RFPL4A: variants seen among roughly 807,000 people sequenced by gnomAD.
RFPL4A encodes the protein ret finger protein-like 4A.
A neutral mutation model predicts 8.3 loss-of-function variants in RFPL4A; 4 were observed. The observed-to-expected ratio is 0.48, with a 90% CI of 0.24 to 1.10. RFPL4A has a LOEUF of 1.10. Among genes scored for constraint, RFPL4A ranks in the 50% least tolerant of loss-of-function variants. The pLI is 0.18. For synonymous variants in RFPL4A, 43 were observed against 136.6 expected, an observed-to-expected ratio of 0.31 and a Z score of 4.78; for missense variants, 111 against 358.7, an observed-to-expected ratio of 0.31 and a Z score of 5.58.
upstream of RFPL4A, among the ~76,000 whole-genome samples, chr19:55,757,350 G>A (rs1218252328): frequency 6.6e-6 from 1 of 151,734 alleles, no homozygotes; most frequent in Non-Finnish European, 1.5e-5. Flanking sequence ...TTCTGCACAT[G>A]TACCCCAGAA....
In RFPL4A at chr19:55,762,057, CAATG is replaced by C. The variant is rs755937277; in HGVS notation, c.260_263del (p.Met87ThrfsTer4). 2.0e-6 allele frequency: 3 copies of C among 1,470,170 alleles called. No individual in the cohort carries two copies. The South Asian group carries it at 3.9e-5, about 19-fold the overall frequency. The allele number at this position is 1,470,170 out of a possible 1,614,324, so 91.1% of individuals were successfully genotyped here. A position where few individuals can be genotyped will look rare whatever the true frequency, so the allele number is the denominator to read the frequency against. ...GAGCCCAAGCTGAAATCTGTTCTAACAATGAACCCAAGGATGAGGAAGTTTCAAG... is the reference window on the plus strand; with the variant it reads ...GAGCCCAAGCTGAAATCTGTTCTAACAACCCAAGGATGAGGAAGTTTCAAG... On this transcript the variant is annotated frameshift_variant, in exon 2 of 3. Coordinates refer to ENST00000434937, the MANE Select transcript of RFPL4A (RefSeq NM_001145014.2). LOFTEE classifies it low-confidence loss of function (END_TRUNC).
rs1471106440 is a variant in RFPL4A at position 55,761,958 on chromosome 19, C to G, written c.158C>G (p.Ser53Cys). The change falls in exon 2 of 3, where the codon TCT (serine) becomes TGT (cysteine). Residue 53 changes from serine (S) to cysteine (C), a missense_variant. Coordinates refer to ENST00000434937, the MANE Select transcript of RFPL4A (RefSeq NM_001145014.2). ...DGEGLLCRFC[S>C]VVSQKDDIKP... is the part of the protein sequence containing the mutation. The stretch of plus-strand genomic sequence containing the variant: ...GAAGGTTTACTGTGCCGTTTCTGCT[C>G]TGTGGTCTCTCAGAAGGATGACATC... 1 of 1,515,906 alleles carries G rather than the reference C, an allele frequency of 6.6e-7. No homozygotes were observed. The highest frequency in any genetic ancestry group is 8.9e-7 in the Non-Finnish European group (1 of 1,120,342). 93.9% of individuals were successfully genotyped at this position (1,515,906 alleles called of 1,614,324 possible).
chr19:55,759,408 G>C (rs1989237778), intron 1 of RFPL4A, among the ~76,000 whole-genome samples: 1 of 151,956 alleles, frequency 6.6e-6, no homozygotes, highest in African/African-American at 2.4e-5. Flanking sequence ...GTGAGAATTT[G>C]GTAGACTTTC....
chr19:55,757,737 A>C (rs990044175), upstream of RFPL4A, among the ~76,000 whole-genome samples: 13 of 152,116 alleles, frequency 8.5e-5, no homozygotes, highest in African/African-American at 3.1e-4. Context: ...GAACGGAAGA[A>C]CTCCTCTCCC....
In RFPL4A at chr19:55,759,502, C is replaced by T. The variant is rs200088951; in HGVS notation, c.-10+327C>T. On this transcript the variant is annotated intron_variant, in intron 1 of 2. Transcript: ENST00000434937. ...TTTGGTATTGTTTTCCTATTCTCCCCTTCCCACAACCCCTGGCAACCATCA... is the reference window on the plus strand; with the variant it reads ...TTTGGTATTGTTTTCCTATTCTCCCTTTCCCACAACCCCTGGCAACCATCA... 0.014 allele frequency among the ~76,000 whole-genome samples: 2,127 copies of T among 150,964 alleles called. 14 individuals are homozygous for T. The East Asian group carries it at 0.15, about 11-fold the overall frequency.
chr19:55,759,253 A>T (rs1056003825), intron 1 of RFPL4A, 78 bp downstream of exon 1: 9 of 152,182 alleles, frequency 5.9e-5, no homozygotes, highest in Non-Finnish European at 8.8e-5. Context: ...TCTTGATTCC[A>T]CAAGTGTTGT....
chr19:55,761,219 G>C (rs1425465373), intron 1 of RFPL4A, among the ~76,000 whole-genome samples: 1 of 139,508 alleles, frequency 7.2e-6, no homozygotes, highest in South Asian at 2.3e-4. Context: ...GGAAGTAGAA[G>C]GTCTTCAAAT....
rs1253746295 is a variant in RFPL4A, at chr19:55,761,306, A to T, written c.-9-486A>T. On this transcript the variant is annotated intron_variant, in intron 1 of 2. Coordinates refer to ENST00000434937, the MANE Select transcript of RFPL4A (RefSeq NM_001145014.2). ...TAAATTCAGTTTCTGGTAGTCACAT[A>T]AAATAGAACAAAACAAGCCTAATGA... 2.9e-5 allele frequency among the ~76,000 whole-genome samples: 4 copies of T among 138,056 alleles called. 1 individual carries two copies. Among genetic ancestry groups the T allele is most frequent in the Non-Finnish European group, 6.5e-5 (4 of 61,204 alleles). The allele number at this position is 138,056 out of a possible 152,430, so 90.6% of individuals were successfully genotyped here.
At chr19:55,762,229 T>G in intron 2 of RFPL4A, 143 bp downstream of exon 2, 1 of 683,054 alleles carries the variant, frequency 1.5e-6, no homozygotes, top group Non-Finnish European at 2.5e-6. Context: ...AGTTCTCACC[T>G]TTGCGTAGAG....
intron 1 of RFPL4A, among the ~76,000 whole-genome samples, chr19:55,760,345 C>A (rs954989321): frequency 1.3e-5 from 2 of 151,348 alleles, no homozygotes; most frequent in African/African-American, 4.9e-5. Context: ...TGGATGCTGT[C>A]GGGAGAACGA....
chr19:55,759,720 G>A (rs947560143), intron 1 of RFPL4A, among the ~76,000 whole-genome samples: 3 of 151,270 alleles, frequency 2.0e-5, no homozygotes, highest in East Asian at 2.0e-4. Context: ...ACAGGGTCTC[G>A]CTCTGTCTGC....
chr19:55,757,724 TC>T (rs1227973447), upstream of RFPL4A, among the ~76,000 whole-genome samples: 1 of 152,092 alleles, frequency 6.6e-6, no homozygotes, highest in African/African-American at 2.4e-5. Context: ...ATTCTCTAAT[TC>T]TGAACGGAAG....
rs1600157812 is a variant in RFPL4A, at chr19:55,762,898, T to G, written c.587T>G (p.Val196Gly). ...ACTGTGGGTTGCAGAGAAGGAAAGGTCTTTGCTGCCAGCACTGTGCCTATG... is the reference window on the plus strand; with the variant it reads ...ACTGTGGGTTGCAGAGAAGGAAAGGGCTTTGCTGCCAGCACTGTGCCTATG... The part of the protein sequence containing the change: ...FLTVGCREGK[V>G]FAASTVPMTP... The change falls in exon 3 of 3, where the codon GTC becomes GGC. Residue 196 changes from valine (V) to glycine (G), a missense_variant. Physicochemically the swap from Val to Gly is moderately radical, Grantham distance 109 (BLOSUM62 -3). Transcript: ENST00000434937. 1 of 1,547,290 alleles carries G rather than the reference T, an allele frequency of 6.5e-7. No individual in the cohort carries two copies. The highest frequency in any genetic ancestry group is 2.4e-5 in the East Asian group (1 of 40,866).
intron 1 of RFPL4A, among the ~76,000 whole-genome samples, chr19:55,759,712 A>T (rs543765048): frequency 6.6e-6 from 1 of 151,486 alleles, no homozygotes; most frequent in Non-Finnish European, 1.5e-5. Context: ...GTTTTGAGAC[A>T]GGGTCTCGCT....
chr19:55,761,514 C>T (rs956765627), intron 1 of RFPL4A, among the ~76,000 whole-genome samples: 9 of 142,628 alleles, frequency 6.3e-5, no homozygotes, highest in Admixed American at 1.4e-4. Context: ...CTGGTGGCTA[C>T]CATATGAAAC....
upstream of RFPL4A, among the ~76,000 whole-genome samples, chr19:55,757,303 A>G (rs1018988395): frequency 5.3e-5 from 8 of 151,958 alleles, no homozygotes; most frequent in Non-Finnish European, 1.2e-4. Flanking sequence ...CAGCAAGCCC[A>G]CATGGCACAT....
upstream of RFPL4A, among the ~76,000 whole-genome samples, chr19:55,758,249 C>T (rs1441710326): frequency 6.6e-6 from 1 of 152,410 alleles, no homozygotes; most frequent in Non-Finnish European, 1.5e-5. Flanking sequence ...TGAGAACTGC[C>T]TTGGCTTTGA....
upstream of RFPL4A, among the ~76,000 whole-genome samples, chr19:55,757,687 C>G (rs1204312738): frequency 1.3e-5 from 2 of 152,116 alleles, no homozygotes; most frequent in East Asian, 3.8e-4. Flanking sequence ...ACCAACCCCA[C>G]CAGTGTGCCA....
At chr19:55,761,643 A>G (rs1989283843) in intron 1 of RFPL4A, 149 bp from the exon 2 acceptor site, 2 of 1,184,630 alleles carry the variant, frequency 1.7e-6, no homozygotes, top group Admixed American at 2.3e-5. Context: ...TGACATTTGT[A>G]TTCATGTTGT....
Sources: gnomAD v4.1 joint callset for allele counts (sites outside exome capture counted in the v4.1 genomes callset) on GRCh38, gnomAD v4.1.1 for gene constraint, MANE v1.5 for transcripts, NCBI Gene and HGNC (gene_info 2026-07-23, HGNC 2026-07-21) for gene names.